FCRL3: variants seen among roughly 807,000 people sequenced by gnomAD.
FCRL3 encodes Fc receptor like 3.
FCRL3 carries 89 observed loss-of-function variants against 75.0 expected under a neutral mutation model. The observed-to-expected ratio is 1.19, with a 90% CI of 1.00 to 1.42. The LOEUF (loss-of-function observed/expected upper bound fraction) is 1.42, where lower values mean the gene tolerates loss of function less well. FCRL3 is among the 40% of genes most tolerant of loss of function. FCRL3 has a pLI of 0.00. For missense variants in FCRL3, 946 were observed against 880.0 expected (o/e 1.07, Z -0.95); for synonymous variants, 376 against 348.5 (o/e 1.08, Z -0.88).
intron 11 of FCRL3, among the ~76,000 whole-genome samples, chr1:157,682,657 A>C (rs1654923041): frequency 1.3e-5 from 2 of 152,262 alleles, no homozygotes; most frequent in African/African-American, 4.8e-5. Context: ...GTAAATGATT[A>C]AACACTGATA....
chr1:157,697,436 A>G lies in FCRL3; in HGVS notation c.560-12T>C. Reference sequence around the variant, plus strand: ...ATGTAGAAACAGCTCTAATGAAAAGAAACAACATAGTCTCCAGGGTGGTGA... The same window carrying G: ...ATGTAGAAACAGCTCTAATGAAAAGGAACAACATAGTCTCCAGGGTGGTGA... On this transcript the variant is annotated splice_polypyrimidine_tract_variant and intron_variant, in intron 5 of 14. Coordinates refer to ENST00000368184, the MANE Select transcript of FCRL3 (RefSeq NM_052939.4). 6.5e-7 allele frequency: 1 copy of G among 1,529,612 alleles called. No individual in the cohort carries two copies. Among genetic ancestry groups the G allele is most frequent in the Non-Finnish European group, 8.7e-7 (1 of 1,143,148 alleles). The allele number at this position is 1,529,612 out of a possible 1,614,324, so 94.8% of individuals were successfully genotyped here.
At position 157,698,586 on chromosome 1, in the gene FCRL3, G is replaced by A. The variant is rs767540943; in HGVS notation, c.96C>T (p.Ser32=). ...KAVLLLNPPW[S]TAFKGEKVAL... ...CCACTTTTTCTCCTTTGAAGGCTGT[G>A]GACCATGGAGGATTGAGGAGAAGTA... The change falls in exon 4 of 15, where the codon TCC becomes TCT. Residue 32 remains serine, a synonymous_variant. Coordinates refer to ENST00000368184, the MANE Select transcript of FCRL3 (RefSeq NM_052939.4). 81 of 1,613,862 alleles carry A rather than the reference G, an allele frequency of 5.0e-5. 1 individual carries two copies. In the South Asian group the frequency reaches 8.5e-4, roughly 17 times the overall value.
At chr1:157,680,855 T>A in intron 12 of FCRL3, 85 bp from the exon 13 acceptor site, 1 of 1,476,374 alleles carries the variant, frequency 6.8e-7, no homozygotes, top group Non-Finnish European at 9.4e-7. Flanking sequence ...CATAACCAAC[T>A]TCTATTCCCA....
At chr1:157,698,358 T>C (rs1656094685) in intron 4 of FCRL3, 26 bp downstream of exon 4, 2 of 1,613,320 alleles carry the variant, frequency 1.2e-6, no homozygotes, top group South Asian at 2.2e-5. Context: ...TGGCTTGACT[T>C]TAGACACTCC....
In FCRL3 at chr1:157,678,002, A is replaced by G; in HGVS notation, c.*708T>C. 1 of 985,448 alleles carries G rather than the reference A, an allele frequency of 1.0e-6. No individual in the cohort carries two copies. Among genetic ancestry groups the G allele is most frequent in the South Asian group, 4.7e-5 (1 of 21,290 alleles). The allele number at this position is 985,448 out of a possible 1,614,324, so 61.0% of individuals were successfully genotyped here. ...ACTAGAAATCTATCATGTATGGCAA[A>G]TGATGAGACTATGTCATGAAGCAAA... On this transcript the variant is annotated 3_prime_UTR_variant, in exon 15 of 15. Coordinates refer to ENST00000368184, the MANE Select transcript of FCRL3 (RefSeq NM_052939.4).
At chr1:157,679,316 G>C in intron 13 of FCRL3, 1 of 340,966 alleles carries the variant, frequency 2.9e-6, no homozygotes. Flanking sequence ...TATAACCCCA[G>C]AGGGGCACCC....
chr1:157,680,926 C>T (rs932522272), intron 12 of FCRL3, 55 bp downstream of exon 12: 106 of 1,487,896 alleles, frequency 7.1e-5, no homozygotes, highest in Non-Finnish European at 9.4e-5. Flanking sequence ...TCGCTCAATC[C>T]CTCTTCCCTC....
rs773784322 is a variant in FCRL3, at chr1:157,690,530, G to A, written c.1415C>T (p.Pro472Leu). The stretch of plus-strand genomic sequence containing the variant: ...GAGGGTGAGGACGGGGCGAGACACC[G>A]GAACTGAGGGAGGAAAAATAGTTCA... ...SHGVSLRVTV[P>L]VSRPVLTLRA... Residue 472 changes from proline (P) to leucine (L), a missense_variant, in exon 9 of 15, where the codon CCG becomes CTG. Pro to Leu is a moderately conservative substitution (Grantham distance 98). Coordinates refer to ENST00000368184, the MANE Select transcript of FCRL3 (RefSeq NM_052939.4). 22 of 1,613,032 alleles carry A rather than the reference G, an allele frequency of 1.4e-5. No homozygotes were observed. The highest frequency in any genetic ancestry group is 4.0e-5 in the African/African-American group (3 of 74,844).
At chr1:157,682,437 G>T (rs1654911685) in intron 11 of FCRL3, among the ~76,000 whole-genome samples, 1 of 152,098 alleles carries the variant, frequency 6.6e-6, no homozygotes, top group Non-Finnish European at 1.5e-5. Context: ...GTAAGGAAGG[G>T]ATCCAGTTTC....
intron 10 of FCRL3, among the ~76,000 whole-genome samples, chr1:157,687,912 C>T (rs759500373): frequency 2.0e-5 from 3 of 152,018 alleles, no homozygotes; most frequent in African/African-American, 4.8e-5. Flanking sequence ...CCAATCCACA[C>T]ATTTACCCCT....
chr1:157,681,167 A>AT (rs1654815380), intron 11 of FCRL3, 68 bp from the exon 12 acceptor site: 3 of 1,095,580 alleles, frequency 2.7e-6, no homozygotes, highest in Middle Eastern at 2.1e-4. Context: ...AGGGAAATCA[A>AT]TATTCTGGAA....
Position 157,680,683 on chromosome 1 carries a change from T to A in FCRL3, c.2026+19A>T. 6.2e-7 allele frequency: 1 copy of A among 1,610,882 alleles called. No homozygotes were observed. Among genetic ancestry groups the A allele is most frequent in the Non-Finnish European group, 8.5e-7 (1 of 1,177,224 alleles). ...AAAACACTGCCACCTCACCTCTATTTGCCTGAAAGGCATCTTACCTGAGTT... is the reference window on the plus strand; with the variant it reads ...AAAACACTGCCACCTCACCTCTATTAGCCTGAAAGGCATCTTACCTGAGTT... On this transcript the variant is annotated intron_variant, in intron 13 of 14. Coordinates refer to ENST00000368184, the MANE Select transcript of FCRL3 (RefSeq NM_052939.4).
intron 11 of FCRL3, 134 bp from the exon 12 acceptor site, chr1:157,681,233 CT>C (rs200555375): frequency 6.5e-4 from 297 of 457,850 alleles, no homozygotes; most frequent in South Asian, 1.0e-3. Flanking sequence ...CTGCTTGGGT[CT>C]TTTTTTTTAA....
intron 10 of FCRL3, among the ~76,000 whole-genome samples, chr1:157,686,466 A>G (rs1356822618): frequency 1.3e-5 from 2 of 152,160 alleles, no homozygotes; most frequent in Admixed American, 6.6e-5. Flanking sequence ...ACCAAAAAAG[A>G]GCCCAAATAG....
intron 10 of FCRL3, among the ~76,000 whole-genome samples, chr1:157,684,504 G>A (rs549812922): frequency 6.6e-6 from 1 of 152,218 alleles, no homozygotes; most frequent in South Asian, 2.1e-4. Flanking sequence ...TCTGTGGGTG[G>A]TTAGCTCCGA....
At chr1:157,683,307 A>C in intron 10 of FCRL3, 63 bp from the exon 11 acceptor site, 1 of 1,579,934 alleles carries the variant, frequency 6.3e-7, no homozygotes, top group Non-Finnish European at 8.6e-7. Flanking sequence ...ACTCTCTGTT[A>C]GAACATTTTT....
At chr1:157,700,435 C>A in intron 2 of FCRL3, 24 bp downstream of exon 2, 1 of 1,613,844 alleles carries the variant, frequency 6.2e-7, no homozygotes, top group Non-Finnish European at 8.5e-7. Context: ...GAGGCCGTGG[C>A]CCCATTATAG....
At chr1:157,699,552 C>G (rs1263076128) in intron 3 of FCRL3, 140 bp downstream of exon 3, 1 of 733,024 alleles carries the variant, frequency 1.4e-6, no homozygotes, top group Non-Finnish European at 2.1e-6. Flanking sequence ...AGGCTCTGTT[C>G]ACCCAATATA....
intron 13 of FCRL3, 68 bp downstream of exon 13, chr1:157,680,634 C>G: frequency 7.4e-7 from 1 of 1,354,838 alleles, no homozygotes; most frequent in South Asian, 1.2e-5. Flanking sequence ...TAACTCTGAT[C>G]AAAGACCCCT....
Sources: allele counts gnomAD v4.1 joint callset (sites outside exome capture counted in the v4.1 genomes callset), GRCh38; gene constraint gnomAD v4.1.1; transcripts MANE v1.5; gene names NCBI Gene and HGNC (gene_info 2026-07-23, HGNC 2026-07-21).